The following NAV1 variants were observed in gnomAD, a reference collection of about 807,000 sequenced individuals.
NAV1 encodes the protein neuron navigator 1.
A neutral mutation model predicts 175.2 loss-of-function variants in NAV1; 18 were observed. The ratio of observed to expected loss-of-function variants is 0.10; its 90% CI spans 0.07 to 0.15. The LOEUF (loss-of-function observed/expected upper bound fraction) is 0.15. NAV1 is among the 10% of genes least tolerant of loss of function. The pLI, the probability that NAV1 is intolerant of heterozygous loss-of-function variation, is 1.00. For missense variants in NAV1, 1,731 were observed against 2,436.6 expected, an observed-to-expected ratio of 0.71 and a Z score of 6.10; for synonymous variants, 897 against 978.7, an observed-to-expected ratio of 0.92 and a Z score of 1.56.
At position 201,788,552 on chromosome 1, in the gene NAV1, GCTCCCAAATGGGGAGCACCC is replaced by G; in HGVS notation, c.3081_3100del (p.Ser1028ValfsTer41). ...GAGGCGGCCTTCGAGCTGTACAGCG[GCTCCCAAATGGGGAGCACCC>G]TGTCCCTGGCCGAGAGACCCAAGGG... On this transcript the variant is annotated frameshift_variant, in exon 10 of 30. Coordinates refer to ENST00000367296, the Ensembl canonical transcript of NAV1. LOFTEE classifies it high-confidence loss of function. This position sits in a 1 kb window ranked among gnomAD's most constrained non-coding sequence, Gnocchi z 5.7. 3.1e-6 allele frequency: 5 copies of G among 1,614,104 alleles called. No individual in the cohort carries two copies. Among genetic ancestry groups the G allele is most frequent in the Non-Finnish European group, 4.2e-6 (5 of 1,180,030 alleles).
chr1:201,595,289 T>C (rs996231968), intron 2 of NAV1, among the ~76,000 whole-genome samples: 1 of 152,196 alleles, frequency 6.6e-6, no homozygotes, highest in African/African-American at 2.4e-5. Context: ...TGTGTAAGGG[T>C]AGTAGTAGGC....
intron 1 of NAV1, among the ~76,000 whole-genome samples, chr1:201,650,181 G>T (rs1310678772): frequency 6.6e-6 from 1 of 152,250 alleles, no homozygotes; most frequent in Non-Finnish European, 1.5e-5. Context: ...CAGGCGGGAA[G>T]GGAGGAACAA....
At position 201,562,171 on chromosome 1, in the gene NAV1, A is replaced by ATT. The variant is rs566214709; in HGVS notation, c.-144+22845_-144+22846dup. Among the ~76,000 whole-genome samples the ATT allele has an allele frequency of 7.9e-4, 100 of 127,248 alleles. 5 individuals carry two copies. The East Asian group carries it at 8.0e-3, about 10-fold the overall frequency. The allele number at this position is 127,248 out of a possible 152,430, so 83.5% of individuals were successfully genotyped here. A position where few individuals can be genotyped will look rare whatever the true frequency, so the allele number is the denominator to read the frequency against. Reference sequence around the variant, plus strand: ...AGGCACACACCACCTTGCCTGGCTAATTTTTTTTTTTTTTTTTGTAGAGAC... The same window carrying ATT: ...AGGCACACACCACCTTGCCTGGCTAATTTTTTTTTTTTTTTTTTTGTAGAGAC... On this transcript the variant is annotated intron_variant, in intron 1 of 33. Transcript: ENST00000685211.
chr1:201,780,048 G>A lies in NAV1; in HGVS notation c.1227-373G>A, dbSNP rs184743501. Among the ~76,000 whole-genome samples, 185 of 152,264 alleles carry A rather than the reference G, an allele frequency of 1.2e-3. 2 individuals carry two copies. Among genetic ancestry groups the A allele is most frequent in the African/African-American group, 3.9e-3 (163 of 41,546 alleles). On this transcript the variant is annotated intron_variant, in intron 3 of 29. Coordinates refer to ENST00000367296, the Ensembl canonical transcript of NAV1. ...GAGGGGGAGAATAGATGCAGAACGC[G>A]TCTAAAAATGAACAAAGATATGTTA... is the stretch of plus-strand genomic sequence containing the variant.
chr1:201,661,840 C>T (rs1431272552), intron 1 of NAV1, among the ~76,000 whole-genome samples: 3 of 152,184 alleles, frequency 2.0e-5, no homozygotes, highest in African/African-American at 7.2e-5. Flanking sequence ...AAGTTAGCTT[C>T]TTCATGGAAG....
At chr1:201,649,509 C>T (rs754501271) in intron 1 of NAV1, 84 bp downstream of exon 5, 4 of 1,436,492 alleles carry the variant, frequency 2.8e-6, no homozygotes, top group African/African-American at 2.9e-5. Flanking sequence ...GCGAAGCCCC[C>T]TCCCCTTGCG....
In NAV1 at chr1:201,601,327, C is replaced by A. The variant is rs111396099; in HGVS notation, c.-33+12678C>A. Among the ~76,000 whole-genome samples the A allele has an allele frequency of 5.7e-3, 867 of 152,196 alleles. 5 individuals carry two copies. The highest frequency in any genetic ancestry group is 0.019 in the African/African-American group (805 of 41,530). On this transcript the variant is annotated intron_variant, in intron 2 of 33. Transcript: ENST00000685211. ...TGAGATCCTGACTCTATCACACACA[C>A]AAAAAATTAGCTGGGCTTGGTGGCA...
At position 201,664,834 on chromosome 1, in the gene NAV1, A is replaced by G. The variant is rs377058961; in HGVS notation, c.757+15409A>G. ...GCCCTCAGCCTGCCCCTCTGCCACC[A>G]GTCCACCCATCTCCTCCCTTTTCCC... On this transcript the variant is annotated intron_variant, in intron 1 of 29. Transcript: ENST00000367296. Among the ~76,000 whole-genome samples the G allele has an allele frequency of 1.3e-3, 193 of 152,090 alleles. 1 individual carries two copies. In the Middle Eastern group the frequency reaches 0.014, roughly 11 times the overall value.
intron 20 of NAV1, 146 bp downstream of exon 24, chr1:201,809,017 G>A (rs2102809537): frequency 2.3e-6 from 3 of 1,285,626 alleles, no homozygotes; most frequent in South Asian, 1.3e-5. Flanking sequence ...AGTTGTAATG[G>A]TCCTTCAACC....
intron 1 of NAV1, among the ~76,000 whole-genome samples, chr1:201,699,848 C>T (rs1315852742): frequency 1.3e-5 from 2 of 152,202 alleles, no homozygotes; most frequent in Non-Finnish European, 2.9e-5. Flanking sequence ...GGAAAGGATT[C>T]CCTGTGTAAT....
chr1:201,555,966 G>A (rs1451465138), intron 1 of NAV1, among the ~76,000 whole-genome samples: 1 of 152,002 alleles, frequency 6.6e-6, no homozygotes, highest in Non-Finnish European at 1.5e-5. Flanking sequence ...AGGCCCAAGA[G>A]GTATTTGAGT....
At chr1:201,794,214 C>T (rs41305078) in intron 14 of NAV1, 124 of 630,218 alleles carry the variant, frequency 2.0e-4, no homozygotes, top group Middle Eastern at 1.0e-3. Context: ...TGCACTGGCG[C>T]GATCTTGGCT....
At chr1:201,563,721 G>A (rs1666273768) in intron 1 of NAV1, among the ~76,000 whole-genome samples, 1 of 152,190 alleles carries the variant, frequency 6.6e-6, no homozygotes, top group African/African-American at 2.4e-5. Flanking sequence ...TGAAAGACCT[G>A]CGAAGGCAGA....
At chr1:201,564,668 A>G (rs1020848756) in intron 1 of NAV1, among the ~76,000 whole-genome samples, 1 of 152,254 alleles carries the variant, frequency 6.6e-6, no homozygotes, top group African/African-American at 2.4e-5. Context: ...AGGCTGCTGT[A>G]ACAAATGACC....
intron 28 of NAV1, among the ~76,000 whole-genome samples, chr1:201,814,099 G>T (rs1248834849): frequency 2.0e-5 from 3 of 151,930 alleles, no homozygotes; most frequent in African/African-American, 7.3e-5. Flanking sequence ...CTTAAAATAA[G>T]GCTGGGCCTG....
intron 1 of NAV1, among the ~76,000 whole-genome samples, chr1:201,665,319 T>C (rs1669778493): frequency 6.6e-6 from 1 of 152,080 alleles, no homozygotes. Context: ...TCTGCAGAGT[T>C]TGCCTGGGTA....
chr1:201,733,688 T>C (rs1672965180), intron 3 of NAV1, among the ~76,000 whole-genome samples: 1 of 152,076 alleles, frequency 6.6e-6, no homozygotes, highest in Admixed American at 6.5e-5. Context: ...TTTGATAAAC[T>C]GTGCAGATAA....
chr1:201,728,950 A>G (rs1333286328), intron 3 of NAV1, among the ~76,000 whole-genome samples: 4 of 152,202 alleles, frequency 2.6e-5, no homozygotes, highest in East Asian at 1.9e-4. Context: ...TCCTTCCTCT[A>G]GTGTGTCCTA....
At chr1:201,695,163 CT>C (rs2102426612) in intron 1 of NAV1, among the ~76,000 whole-genome samples, 1 of 152,368 alleles carries the variant, frequency 6.6e-6, no homozygotes, top group East Asian at 1.9e-4. Flanking sequence ...CTTGGCCCCC[CT>C]GGATGGGCTC....
Sources: allele counts gnomAD v4.1 joint callset (sites outside exome capture counted in the v4.1 genomes callset), GRCh38; gene constraint gnomAD v4.1.1; non-coding constraint Gnocchi (gnomAD v3.1); transcripts MANE v1.5; gene names NCBI Gene and HGNC (gene_info 2026-07-23, HGNC 2026-07-21).